CLNK: variants seen among roughly 807,000 people sequenced by gnomAD.
CLNK encodes the protein cytokine dependent hematopoietic cell linker.
A neutral mutation model predicts 68.6 loss-of-function variants in CLNK; 74 were observed. The ratio of observed to expected loss-of-function variants is 1.08; its 90% CI spans 0.89 to 1.31. The LOEUF is 1.31. CLNK is among the 50% of genes most tolerant of loss of function. The probability of loss-of-function intolerance (pLI) is 0.00; values close to 1 mark genes in which losing one functional copy is unlikely to be tolerated. For missense variants in CLNK, 553 were observed against 515.3 expected (o/e 1.07, Z -0.71); for synonymous variants, 198 against 172.2 (o/e 1.15, Z -1.17).
At chr4:10,653,872 C>CA (rs1723852018) in intron 2 of CLNK, among the ~76,000 whole-genome samples, 2 of 152,132 alleles carry the variant, frequency 1.3e-5, no homozygotes, top group Admixed American at 1.3e-4. Flanking sequence ...TATTAGTGAA[C>CA]AAACACGTAT....
chr4:10,510,659 A>C (rs779351801), intron 16 of CLNK, among the ~76,000 whole-genome samples: 2 of 152,102 alleles, frequency 1.3e-5, no homozygotes, highest in Non-Finnish European at 2.9e-5. Context: ...AGCATTTACA[A>C]TCTATTCTCT....
the CLNK span, among the ~76,000 whole-genome samples, chr4:10,728,666 C>T: frequency 6.7e-6 from 1 of 149,192 alleles, no homozygotes; most frequent in African/African-American, 2.5e-5. Flanking sequence ...TGCATTGGCG[C>T]CATCTCCCAC....
At chr4:10,605,496 G>T (rs1030394429) in intron 2 of CLNK, among the ~76,000 whole-genome samples, 1 of 152,044 alleles carries the variant, frequency 6.6e-6, no homozygotes, top group African/African-American at 2.4e-5. Flanking sequence ...TCTAAAAATA[G>T]AAAGGTACAG....
At chr4:10,532,920 G>A (rs983573523) in intron 11 of CLNK, among the ~76,000 whole-genome samples, 6 of 152,114 alleles carry the variant, frequency 3.9e-5, no homozygotes, top group African/African-American at 1.4e-4. Flanking sequence ...ATGGCAACAA[G>A]AGTGCTCATG....
intron 1 of CLNK, among the ~76,000 whole-genome samples, chr4:10,683,220 TC>T (rs1228721637): frequency 6.6e-6 from 1 of 152,146 alleles, no homozygotes; most frequent in Non-Finnish European, 1.5e-5. Context: ...AGGCGTCAAA[TC>T]CTACAGTCTT....
rs142516102 is a variant in CLNK, at chr4:10,562,487, C to T, written c.399+2184G>A. On this transcript the variant is annotated intron_variant, in intron 7 of 18. Transcript: ENST00000226951. ...GTGGTGCAATCTCGGCTCACTGCAACCTCTGACTCCTGGGTTCAAGCAATT... is the reference window on the plus strand; with the variant it reads ...GTGGTGCAATCTCGGCTCACTGCAATCTCTGACTCCTGGGTTCAAGCAATT... Among the ~76,000 whole-genome samples, 510 of 152,234 alleles carry T rather than the reference C, an allele frequency of 3.4e-3. 5 individuals carry two copies. The highest frequency in any genetic ancestry group is 0.012 in the African/African-American group (492 of 41,530).
upstream of CLNK, chr4:10,684,993 C>G (rs1725217802): frequency 6.6e-6 from 1 of 152,072 alleles, no homozygotes; most frequent in Non-Finnish European, 1.5e-5. Flanking sequence ...ACACGGTGTC[C>G]TTATGTGGCA....
At chr4:10,642,532 G>C (rs1274918805) in intron 2 of CLNK, among the ~76,000 whole-genome samples, 1 of 152,162 alleles carries the variant, frequency 6.6e-6, no homozygotes. Flanking sequence ...GAAAGAATGA[G>C]GAGAGAGAAG....
intron 2 of CLNK, among the ~76,000 whole-genome samples, chr4:10,619,564 CAT>C (rs1295521780): frequency 6.6e-6 from 1 of 151,632 alleles, no homozygotes; most frequent in Non-Finnish European, 1.5e-5. Context: ...CTGCAGGAAA[CAT>C]AGGTGTGTTT....
At chr4:10,583,765 C>T (rs1014832541) in intron 4 of CLNK, among the ~76,000 whole-genome samples, 31 of 152,270 alleles carry the variant, frequency 2.0e-4, no homozygotes, top group African/African-American at 3.6e-4. Flanking sequence ...GTCAAGGAAA[C>T]GGAGTGCCCA....
chr4:10,632,392 A>G (rs1722925599), intron 2 of CLNK, among the ~76,000 whole-genome samples: 1 of 152,248 alleles, frequency 6.6e-6, no homozygotes, highest in African/African-American at 2.4e-5. Flanking sequence ...TTCAACAGGA[A>G]TACATCAGGA....
At chr4:10,623,449 T>G (rs1431103295) in intron 2 of CLNK, among the ~76,000 whole-genome samples, 5 of 152,220 alleles carry the variant, frequency 3.3e-5, no homozygotes, top group African/African-American at 9.6e-5. Flanking sequence ...AATCTGACTG[T>G]CTGGCTTCAA....
intron 17 of CLNK, among the ~76,000 whole-genome samples, chr4:10,506,489 C>A (rs1024979907): frequency 2.6e-5 from 4 of 152,140 alleles, no homozygotes; most frequent in African/African-American, 9.7e-5. Context: ...TGCAGCATAA[C>A]CTACCATATC....
chr4:10,649,470 G>A (rs1723644350), intron 2 of CLNK, among the ~76,000 whole-genome samples: 1 of 152,150 alleles, frequency 6.6e-6, no homozygotes, highest in African/African-American at 2.4e-5. Context: ...TGGCCTGGCA[G>A]AACATGGGAG....
chr4:10,706,936 C>G, the CLNK span, among the ~76,000 whole-genome samples: 5 of 152,132 alleles, frequency 3.3e-5, no homozygotes, highest in Admixed American at 1.3e-4. Flanking sequence ...ACCCCCCTCC[C>G]TTTTGGTGTT....
chr4:10,587,100 G>A (rs1046960195), intron 3 of CLNK, among the ~76,000 whole-genome samples: 1 of 152,096 alleles, frequency 6.6e-6, no homozygotes, highest in Admixed American at 6.6e-5. Flanking sequence ...AAGTAACTGG[G>A]ACTACAGGCA....
chr4:10,654,300 A>G lies in CLNK; in HGVS notation c.11+13559T>C, dbSNP rs913582454. ...CCCATTAACATAAATCTTTATATTA[A>G]CAAAAGCAGAAGGAAAAATATATAA... On this transcript the variant is annotated intron_variant, in intron 2 of 18. Transcript: ENST00000226951. 1.3e-5 allele frequency among the ~76,000 whole-genome samples: 2 copies of G among 150,500 alleles called. 1 individual carries two copies. Among genetic ancestry groups the G allele is most frequent in the South Asian group, 4.2e-4 (2 of 4,794 alleles).
intron 2 of CLNK, among the ~76,000 whole-genome samples, chr4:10,662,144 T>C (rs1724217123): frequency 6.6e-6 from 1 of 152,190 alleles, no homozygotes; most frequent in Non-Finnish European, 1.5e-5. Context: ...ATACACAGTG[T>C]TGTCTGCTGG....
chr4:10,627,290 C>A (rs1722712516), intron 2 of CLNK, among the ~76,000 whole-genome samples: 1 of 152,060 alleles, frequency 6.6e-6, no homozygotes, highest in African/African-American at 2.4e-5. Context: ...GAAGCACATC[C>A]CACACACCTC....
Sources: allele counts gnomAD v4.1 joint callset (sites outside exome capture counted in the v4.1 genomes callset), GRCh38; gene constraint gnomAD v4.1.1; transcripts MANE v1.5; gene names NCBI Gene and HGNC (gene_info 2026-07-23, HGNC 2026-07-21).